The following NDRG4 variants were observed in gnomAD, a reference collection of about 807,000 sequenced individuals.
The protein encoded by NDRG4 is protein NDRG4.
NDRG4 carries 38 observed loss-of-function variants against 55.8 expected under a neutral mutation model. That is an observed-to-expected ratio of 0.68 (90% CI 0.53 to 0.89). The LOEUF is 0.89. Ranked by LOEUF, NDRG4 falls within the 40% of genes least tolerant of loss-of-function variation. The probability of loss-of-function intolerance (pLI) is 0.00; values close to 1 mark genes in which losing one functional copy is unlikely to be tolerated. For missense variants in NDRG4, 455 were observed against 468.6 expected (o/e 0.97, Z 0.27); for synonymous variants, 190 against 182.7 (o/e 1.04, Z -0.32).
At chr16:58,500,523 G>A (rs1342124013) in intron 1 of NDRG4, 3 of 548,660 alleles carry the variant, frequency 5.5e-6, no homozygotes, top group Non-Finnish European at 9.6e-6. Context: ...GTTGGGGGGT[G>A]GGTGACATAT....
At chr16:58,500,733 G>T in intron 1 of NDRG4, 1 of 424,916 alleles carries the variant, frequency 2.4e-6, no homozygotes, top group Admixed American at 4.0e-5. Flanking sequence ...TGTGCCCAGT[G>T]TGCGTGCCGG....
intron 1 of NDRG4, among the ~76,000 whole-genome samples, chr16:58,476,012 G>T (rs61443037): frequency 0.037 from 5,594 of 152,218 alleles, 353 homozygotes; most frequent in African/African-American, 0.13. Flanking sequence ...GGCCAGGCTG[G>T]TCTTGAACTC....
intron 12 of NDRG4, 22 bp downstream of exon 12, chr16:58,509,211 C>T: frequency 6.2e-7 from 1 of 1,614,028 alleles, no homozygotes; most frequent in Middle Eastern, 1.6e-4. Context: ...GGCCCTCCTG[C>T]CCTTACATCT....
intron 2 of NDRG4, among the ~76,000 whole-genome samples, chr16:58,494,503 C>G (rs2042405): frequency 0.27 from 41,213 of 152,066 alleles, 7,818 homozygotes; most frequent in African/African-American, 0.54. Flanking sequence ...TGCAGTGGGA[C>G]ATTCCAGCAC....
intron 1 of NDRG4, among the ~76,000 whole-genome samples, chr16:58,485,271 C>T (rs1481399116): frequency 1.3e-5 from 2 of 152,192 alleles, no homozygotes. Flanking sequence ...ACAACTCCAG[C>T]CAAGCCCTGG....
intron 1 of NDRG4, among the ~76,000 whole-genome samples, chr16:58,487,589 T>C (rs1010606698): frequency 6.6e-6 from 1 of 152,158 alleles, no homozygotes; most frequent in African/African-American, 2.4e-5. Context: ...AGGCGGGTCT[T>C]GCAGACGGAG....
rs75632305 is a variant in NDRG4, at chr16:58,489,454, C to T, written c.72+1604C>T. Among the ~76,000 whole-genome samples, 902 of 151,780 alleles carry T rather than the reference C, an allele frequency of 5.9e-3. 23 individuals are homozygous for T. In the East Asian group the frequency reaches 0.076, roughly 13 times the overall value. Reference sequence around the variant, plus strand: ...ATTCCTAGTACATCTGCTTGGGATACACTAGCCCAGAAATTTGCAGGGCTG... The same window carrying T: ...ATTCCTAGTACATCTGCTTGGGATATACTAGCCCAGAAATTTGCAGGGCTG... On this transcript the variant is annotated intron_variant, in intron 2 of 15. Transcript: ENST00000258187.
intron 1 of NDRG4, 187 bp from the exon 2 acceptor site, chr16:58,503,611 C>T (rs1356087822): frequency 1.7e-6 from 2 of 1,147,386 alleles, no homozygotes; most frequent in Non-Finnish European, 2.5e-6. Context: ...CTGTACTGAA[C>T]AGCCCTGAGA....
intron 5 of NDRG4, among the ~76,000 whole-genome samples, chr16:58,505,715 T>C (rs1169393332): frequency 4.9e-4 from 36 of 74,124 alleles, no homozygotes; most frequent in African/African-American, 2.5e-3. Context: ...TTCATTTTCT[T>C]TTTTTTTTTT....
chr16:58,502,927 C>T (rs762691343), intron 1 of NDRG4, among the ~76,000 whole-genome samples: 1 of 152,236 alleles, frequency 6.6e-6, no homozygotes, highest in Non-Finnish European at 1.5e-5. Context: ...CTCAGGGATG[C>T]CCTAGCATAA....
chr16:58,481,004 G>T (rs2034315843), intron 1 of NDRG4, among the ~76,000 whole-genome samples: 1 of 145,928 alleles, frequency 6.9e-6, no homozygotes, highest in African/African-American at 2.6e-5. Flanking sequence ...GTGAGACTCT[G>T]TCTTAAAAAA....
At chr16:58,466,490 G>C (rs552980830) in intron 1 of NDRG4, among the ~76,000 whole-genome samples, 1 of 152,314 alleles carries the variant, frequency 6.6e-6, no homozygotes, top group East Asian at 1.9e-4. Flanking sequence ...CTCATCTCCT[G>C]GATAGAGGAG....
Position 58,511,412 on chromosome 16 carries a change from C to G in NDRG4, c.905-10C>G, listed in dbSNP as rs754392620. On this transcript the variant is annotated splice_polypyrimidine_tract_variant and intron_variant, in intron 14 of 14. Coordinates refer to ENST00000570248, the MANE Select transcript of NDRG4 (RefSeq NM_001242835.2). ...GCCAGTCCTCAGGCCCATCCTGTCT[C>G]TGTCCACAGTGCCCTCAGCCAGCAT... 1 of 1,597,548 alleles carries G rather than the reference C, an allele frequency of 6.3e-7. No homozygotes were observed. The highest frequency in any genetic ancestry group is 1.1e-5 in the South Asian group (1 of 89,746).
intron 1 of NDRG4, chr16:58,501,947 G>A (rs927190529): frequency 2.2e-6 from 1 of 455,330 alleles, no homozygotes; most frequent in Non-Finnish European, 4.4e-6. Flanking sequence ...TTATGCAGCA[G>A]GAGGCGCATT....
chr16:58,487,757 C>A, exon 2 of NDRG4: 1 of 1,537,948 alleles, frequency 6.5e-7, no homozygotes. Flanking sequence ...CCTCCCTAGG[C>A]CTCCTGCTCC....
chr16:58,471,294 C>A (rs1210356699), intron 1 of NDRG4, among the ~76,000 whole-genome samples: 1 of 149,170 alleles, frequency 6.7e-6, no homozygotes, highest in Non-Finnish European at 1.5e-5. Context: ...CTTTAAGCCA[C>A]CAATTTTGTG....
At chr16:58,500,901 T>TG in intron 1 of NDRG4, 2 of 905,438 alleles carry the variant, frequency 2.2e-6, no homozygotes, top group Non-Finnish European at 2.9e-6. Flanking sequence ...CAAGGAGGTC[T>TG]GGGCCACACA....
intron 2 of NDRG4, chr16:58,494,844 AAAAG>A: frequency 2.0e-5 from 16 of 810,746 alleles, no homozygotes; most frequent in Admixed American, 5.5e-5. Context: ...AAAAAAAAAA[AAAAG>A]AAAAGAAAAG....
chr16:58,503,200 G>A (rs1002448482), intron 1 of NDRG4, among the ~76,000 whole-genome samples: 1 of 149,384 alleles, frequency 6.7e-6, no homozygotes, highest in Non-Finnish European at 1.5e-5. Flanking sequence ...GGGATGGGGA[G>A]GGGGGTCTGA....
Sources: allele counts gnomAD v4.1 joint callset (sites outside exome capture counted in the v4.1 genomes callset), GRCh38; gene constraint gnomAD v4.1.1; transcripts MANE v1.5; gene names NCBI Gene and HGNC (gene_info 2026-07-23, HGNC 2026-07-21).